The following KLHL14 variants were observed in gnomAD, a reference collection of about 807,000 sequenced individuals.
KLHL14 encodes kelch-like protein 14.
In KLHL14, 22 loss-of-function variants were observed where a neutral mutation model predicts 64.3. The observed-to-expected ratio is 0.34, with a 90% CI of 0.24 to 0.49. The LOEUF is 0.49. Among genes scored for constraint, KLHL14 ranks in the 20% least tolerant of loss-of-function variants. The pLI is 0.99. For synonymous variants in KLHL14, 322 were observed against 333.4 expected (o/e 0.97, Z 0.37); for missense variants, 661 against 789.0 (o/e 0.84, Z 1.94).
At chr18:32,699,212 C>G (rs1015783638) in intron 3 of KLHL14, among the ~76,000 whole-genome samples, 1 of 152,186 alleles carries the variant, frequency 6.6e-6, no homozygotes, top group East Asian at 1.9e-4. Context: ...TCCGGGAATT[C>G]CCTATTACTT....
intron 3 of KLHL14, chr18:32,737,982 A>G (rs1478006334): frequency 6.6e-6 from 1 of 152,196 alleles, no homozygotes; most frequent in Non-Finnish European, 1.5e-5. Context: ...GGATAAATCT[A>G]TATTTTAAAG....
Position 32,770,838 on chromosome 18 carries a change from G to T in KLHL14, c.-43-204C>A. ...GCTGGATCCGTGAGCGCCACCAGAA[G>T]GGCCCTGTCTGGGGTCCCGGCGCCG... On this transcript the variant is annotated intron_variant, in intron 1 of 8. Transcript: ENST00000359358. The surrounding 1 kb of genome is among the most constrained non-coding windows in gnomAD (Gnocchi z 6.7). The T allele has an allele frequency of 2.1e-6, 1 of 487,136 alleles. No homozygotes were observed. The highest frequency in any genetic ancestry group is 3.6e-6 in the Non-Finnish European group (1 of 274,298). 30.2% of individuals were successfully genotyped at this position (487,136 alleles called of 1,614,324 possible). A position where few individuals can be genotyped will look rare whatever the true frequency, so the allele number is the denominator to read the frequency against.
At chr18:32,772,440 C>T (rs955722823) in intron 1 of KLHL14, among the ~76,000 whole-genome samples, 1 of 151,650 alleles carries the variant, frequency 6.6e-6, no homozygotes, top group African/African-American at 2.4e-5. Flanking sequence ...TCGTTGTCTC[C>T]CCCCGCCCCA....
intron 2 of KLHL14, among the ~76,000 whole-genome samples, chr18:32,752,942 C>CG (rs2050263517): frequency 7.1e-6 from 1 of 140,636 alleles, no homozygotes; most frequent in African/African-American, 2.7e-5. Context: ...TGGGATGGGA[C>CG]CCAGCATCAT....
intron 3 of KLHL14, among the ~76,000 whole-genome samples, chr18:32,698,531 G>A (rs542598742): frequency 1.3e-5 from 2 of 152,248 alleles, no homozygotes; most frequent in East Asian, 1.9e-4. Flanking sequence ...AATGCACTGG[G>A]CCTTATTTTA....
intron 3 of KLHL14, among the ~76,000 whole-genome samples, chr18:32,728,006 C>T (rs545790542): frequency 5.7e-5 from 8 of 140,148 alleles, no homozygotes; most frequent in African/African-American, 2.2e-4. Context: ...TGGAAGTGAT[C>T]GCCTCATTCT....
At chr18:32,688,294 C>T (rs1207696293) in intron 4 of KLHL14, among the ~76,000 whole-genome samples, 1 of 152,016 alleles carries the variant, frequency 6.6e-6, no homozygotes, top group Non-Finnish European at 1.5e-5. Flanking sequence ...TGCATGTGCT[C>T]ACACAGACAT....
intron 4 of KLHL14, among the ~76,000 whole-genome samples, chr18:32,687,566 G>A (rs2144476244): frequency 6.6e-6 from 1 of 152,176 alleles, no homozygotes; most frequent in Non-Finnish European, 1.5e-5. Flanking sequence ...GTGTTTTAAT[G>A]TTTTAAACAC....
intron 5 of KLHL14, among the ~76,000 whole-genome samples, chr18:32,685,145 G>A (rs570563108): frequency 3.2e-4 from 48 of 152,184 alleles, no homozygotes; most frequent in Non-Finnish European, 5.0e-4. Flanking sequence ...GCCGGGCGCC[G>A]ACAGACCATG....
At chr18:32,772,115 GGCCCGCC>G (rs1568088868) in intron 1 of KLHL14, 6 of 161,410 alleles carry the variant, frequency 3.7e-5, no homozygotes, top group African/African-American at 1.8e-4. Flanking sequence ...CCGGCCCGCC[GGCCCGCC>G]CGCCCGGGGG....
chr18:32,694,876 C>T (rs528755155), intron 4 of KLHL14, among the ~76,000 whole-genome samples: 5 of 152,092 alleles, frequency 3.3e-5, no homozygotes, highest in East Asian at 3.8e-4. Context: ...CGATTTGGGA[C>T]GTGCGTTAAA....
chr18:32,715,341 C>T (rs1454190346), intron 3 of KLHL14, among the ~76,000 whole-genome samples: 4 of 152,054 alleles, frequency 2.6e-5, no homozygotes, highest in African/African-American at 7.2e-5. Context: ...CTTTGAGTTT[C>T]AGGGAATAAT....
chr18:32,690,226 A>C (rs1307722199), intron 4 of KLHL14, among the ~76,000 whole-genome samples: 1 of 152,190 alleles, frequency 6.6e-6, no homozygotes, highest in Non-Finnish European at 1.5e-5. Flanking sequence ...ATTACCGGCA[A>C]AACAGTGGAT....
chr18:32,711,407 T>C (rs1436462484), intron 3 of KLHL14, among the ~76,000 whole-genome samples: 1 of 152,154 alleles, frequency 6.6e-6, no homozygotes, highest in Non-Finnish European at 1.5e-5. Flanking sequence ...ACAAGACTGT[T>C]TACAATACAA....
chr18:32,679,229 T>A (rs1980036), intron 7 of KLHL14, among the ~76,000 whole-genome samples: 40,436 of 151,890 alleles, frequency 0.27, 5,435 homozygotes, highest in African/African-American at 0.31. Context: ...AGGCTTTATT[T>A]CATCTACAGG....
chr18:32,686,177 A>ATTT (rs148393455), intron 5 of KLHL14, among the ~76,000 whole-genome samples: 24 of 107,666 alleles, frequency 2.2e-4, no homozygotes, highest in Admixed American at 1.2e-3. Context: ...GTGCCCGGCT[A>ATTT]TTTTTTTTTT....
intron 3 of KLHL14, among the ~76,000 whole-genome samples, chr18:32,697,622 GTC>G (rs1437228104): frequency 6.6e-6 from 1 of 152,092 alleles, no homozygotes; most frequent in Non-Finnish European, 1.5e-5. Flanking sequence ...ATAAAGTACA[GTC>G]TCTGAAAATA....
chr18:32,686,237 G>C (rs1364074893), intron 5 of KLHL14, among the ~76,000 whole-genome samples: 1 of 143,220 alleles, frequency 7.0e-6, no homozygotes, highest in African/African-American at 2.6e-5. Context: ...CACCATCTTG[G>C]CCAGGTTGGT....
rs200242317 is a variant in KLHL14, at chr18:32,713,830, GTTCT to G, written c.1070-18282_1070-18279del. Among the ~76,000 whole-genome samples the G allele has an allele frequency of 2.7e-3, 403 of 151,940 alleles. 1 individual carries two copies. The highest frequency in any genetic ancestry group is 9.4e-3 in the African/African-American group (389 of 41,434). On this transcript the variant is annotated intron_variant, in intron 3 of 8. Transcript: ENST00000359358. ...TCTAATTGTAAAACACTTAATTTTG[GTTCT>G]TTGTTTTTGCTGTTATAAACAACAC...
Sources: allele counts gnomAD v4.1 joint callset (sites outside exome capture counted in the v4.1 genomes callset), GRCh38; gene constraint gnomAD v4.1.1; non-coding constraint Gnocchi (gnomAD v3.1); transcripts MANE v1.5; gene names NCBI Gene and HGNC (gene_info 2026-07-23, HGNC 2026-07-21).